The following CYP2J2 variants were observed in gnomAD, a reference collection of about 807,000 sequenced individuals.
The protein encoded by CYP2J2 is cytochrome P450 2J2.
In CYP2J2, 41 loss-of-function variants were observed where a neutral mutation model predicts 48.8. That is an observed-to-expected ratio of 0.84 (90% confidence interval 0.66 to 1.09). The LOEUF (loss-of-function observed/expected upper bound fraction) is 1.09, where lower values mean the gene tolerates loss of function less well. CYP2J2 is among the 50% of genes least tolerant of loss of function. The pLI, the probability that CYP2J2 is intolerant of heterozygous loss-of-function variation, is 0.00. For missense variants in CYP2J2, 644 were observed against 617.3 expected (o/e 1.04, Z -0.46); for synonymous variants, 221 against 227.1 (o/e 0.97, Z 0.24).
At chr1:59,939,224 T>C in the CYP2J2 span, among the ~76,000 whole-genome samples, 8 of 152,224 alleles carry the variant, frequency 5.3e-5, no homozygotes, top group Non-Finnish European at 8.8e-5. Flanking sequence ...GTATCCGTTC[T>C]TCCTGGGAAG....
chr1:59,968,699 G>T, the CYP2J2 span, among the ~76,000 whole-genome samples: 1 of 152,210 alleles, frequency 6.6e-6, no homozygotes, highest in Non-Finnish European at 1.5e-5. Flanking sequence ...TAAAAGGCCC[G>T]AGGGGGGACC....
chr1:59,911,780 G>A lies in CYP2J2; in HGVS notation c.524-12C>T, dbSNP rs1644418283. The A allele has an allele frequency of 3.1e-6, 5 of 1,610,044 alleles. No homozygotes were observed. Among genetic ancestry groups the A allele is most frequent in the Non-Finnish European group, 4.2e-6 (5 of 1,178,146 alleles). On this transcript the variant is annotated splice_polypyrimidine_tract_variant and intron_variant, in intron 3 of 8. Transcript: ENST00000371204. ...GTCAAAAGGCTGTCCTGAAGGTGGA[G>A]GAAGGGCAAGATGGATCCTTCTGAT...
chr1:59,952,046 G>A, the CYP2J2 span, among the ~76,000 whole-genome samples: 1 of 151,846 alleles, frequency 6.6e-6, no homozygotes, highest in Admixed American at 6.6e-5. Context: ...AATACTGTAA[G>A]GCTAGCACCA....
At chr1:59,916,138 A>G (rs754077355) in intron 1 of CYP2J2, 38 bp from the exon 2 acceptor site, 1 of 1,564,660 alleles carries the variant, frequency 6.4e-7, no homozygotes, top group South Asian at 1.1e-5. Context: ...GAATATGCAC[A>G]TGTCCATGTG....
chr1:59,933,487 T>C, the CYP2J2 span, among the ~76,000 whole-genome samples: 192 of 152,344 alleles, frequency 1.3e-3, no homozygotes, highest in Middle Eastern at 0.014. Flanking sequence ...TGTTTGTTGT[T>C]AGTGTATAGA....
chr1:59,925,759 T>C (rs1025447764), intron 1 of CYP2J2, among the ~76,000 whole-genome samples: 1 of 152,222 alleles, frequency 6.6e-6, no homozygotes, highest in Non-Finnish European at 1.5e-5. Flanking sequence ...TACTATTTGT[T>C]ATGTACCAAC....
chr1:59,894,967 A>G (rs1320147888), intron 8 of CYP2J2, among the ~76,000 whole-genome samples: 2 of 152,232 alleles, frequency 1.3e-5, no homozygotes, highest in Non-Finnish European at 2.9e-5. Flanking sequence ...AAATGTACAA[A>G]AAACTTGCAG....
chr1:59,938,234 C>A, the CYP2J2 span, among the ~76,000 whole-genome samples: 1 of 152,282 alleles, frequency 6.6e-6, no homozygotes, highest in African/African-American at 2.4e-5. Context: ...AGAAATAAGA[C>A]AAAGAGACAA....
At chr1:59,922,674 AG>A (rs1644528513) in intron 1 of CYP2J2, among the ~76,000 whole-genome samples, 1 of 152,172 alleles carries the variant, frequency 6.6e-6, no homozygotes, top group Admixed American at 6.5e-5. Flanking sequence ...ATTCCAGATA[AG>A]GTTGAAAAAA....
intron 2 of CYP2J2, among the ~76,000 whole-genome samples, chr1:59,913,408 G>A (rs1032006324): frequency 1.3e-5 from 2 of 151,968 alleles, no homozygotes; most frequent in Admixed American, 6.6e-5. Flanking sequence ...TATATACAAC[G>A]CTGCCTGCCT....
At chr1:59,897,924 T>C (rs1048643988) in intron 8 of CYP2J2, among the ~76,000 whole-genome samples, 2 of 152,194 alleles carry the variant, frequency 1.3e-5, no homozygotes, top group Non-Finnish European at 2.9e-5. Flanking sequence ...GGGCATGTGA[T>C]GAAAAAAACA....
the CYP2J2 span, among the ~76,000 whole-genome samples, chr1:59,938,785 A>G: frequency 6.6e-6 from 1 of 152,176 alleles, no homozygotes; most frequent in East Asian, 1.9e-4. Flanking sequence ...ACGAGGCCAT[A>G]TTTCAGACTA....
At chr1:59,953,800 G>A in the CYP2J2 span, among the ~76,000 whole-genome samples, 1 of 152,164 alleles carries the variant, frequency 6.6e-6, no homozygotes, top group African/African-American at 2.4e-5. Flanking sequence ...ACAGTCCAAA[G>A]GGAAGAGCAG....
At chr1:59,968,115 A>G in the CYP2J2 span, among the ~76,000 whole-genome samples, 11 of 152,216 alleles carry the variant, frequency 7.2e-5, no homozygotes, top group Non-Finnish European at 1.5e-4. Flanking sequence ...GGAGACAGAG[A>G]TAAATCTGAA....
At chr1:59,905,235 C>T (rs749781364) in intron 6 of CYP2J2, among the ~76,000 whole-genome samples, 177 bp from the exon 7 acceptor site, 1 of 152,208 alleles carries the variant, frequency 6.6e-6, no homozygotes, top group Non-Finnish European at 1.5e-5. Context: ...CTCTGTAAAT[C>T]TCCTTGAGCC....
Position 59,893,826 on chromosome 1 carries a change from T to A in CYP2J2, c.1334A>T (p.Lys445Met). The change falls in exon 9 of 9, where the codon AAG becomes ATG. Residue 445 changes from lysine (K) to methionine (M), a missense_variant. Lys to Met is a moderately conservative substitution (Grantham distance 95). Transcript: ENST00000371204. ...REAFMPFSIGKRACLGEQLAR... is the reference protein window; with the variant it reads ...REAFMPFSIGMRACLGEQLAR... ...CAACTGTTCTCCGAGGCATGCCCGCTTTCCTGTAAGACAAAATCAAAAGAC... is the reference window on the plus strand; with the variant it reads ...CAACTGTTCTCCGAGGCATGCCCGCATTCCTGTAAGACAAAATCAAAAGAC... 2 of 1,600,062 alleles carry A rather than the reference T, an allele frequency of 1.2e-6. No individual in the cohort carries two copies. Among genetic ancestry groups the A allele is most frequent in the Non-Finnish European group, 1.7e-6 (2 of 1,173,938 alleles).
chr1:59,946,016 G>T, the CYP2J2 span, among the ~76,000 whole-genome samples: 1 of 152,178 alleles, frequency 6.6e-6, no homozygotes, highest in South Asian at 2.1e-4. Context: ...TTTTATGGCT[G>T]CCCTGTGAAC....
At chr1:59,966,258 C>G in the CYP2J2 span, among the ~76,000 whole-genome samples, 1 of 152,172 alleles carries the variant, frequency 6.6e-6, no homozygotes, top group Non-Finnish European at 1.5e-5. Flanking sequence ...TTAGAGCACT[C>G]CTCTCCTTCC....
chr1:59,908,793 G>A (rs1644386126), intron 5 of CYP2J2, among the ~76,000 whole-genome samples: 1 of 152,198 alleles, frequency 6.6e-6, no homozygotes, highest in African/African-American at 2.4e-5. Flanking sequence ...AGGGGTAACT[G>A]TGTTAAAGGT....
Sources: allele counts gnomAD v4.1 joint callset (sites outside exome capture counted in the v4.1 genomes callset), GRCh38; gene constraint gnomAD v4.1.1; transcripts MANE v1.5; gene names NCBI Gene and HGNC (gene_info 2026-07-23, HGNC 2026-07-21).